Variants in STK3 observed in about 807,000 individuals in gnomAD.
STK3 encodes the protein serine/threonine kinase 3.
In STK3, 41 loss-of-function variants were observed where a neutral mutation model predicts 58.0. The ratio of observed to expected loss-of-function variants is 0.71; its 90% CI spans 0.55 to 0.92. The LOEUF is 0.92. STK3 is among the 40% of genes least tolerant of loss of function. The probability of loss-of-function intolerance (pLI) is 0.00; values close to 1 mark genes in which losing one functional copy is unlikely to be tolerated. For missense variants in STK3, 479 were observed against 602.7 expected, an observed-to-expected ratio of 0.79 and a Z score of 2.15; for synonymous variants, 170 against 191.0, an observed-to-expected ratio of 0.89 and a Z score of 0.91.
At chr8:98,788,315 G>A (rs1832597761) in intron 1 of STK3, among the ~76,000 whole-genome samples, 2 of 152,032 alleles carry the variant, frequency 1.3e-5, no homozygotes, top group African/African-American at 2.4e-5. Flanking sequence ...GTGCGCGCCT[G>A]TAATCCCAGC....
At chr8:98,344,381 ACT>A in the STK3 span, among the ~76,000 whole-genome samples, 6 of 152,138 alleles carry the variant, frequency 3.9e-5, no homozygotes, top group South Asian at 2.1e-4. Flanking sequence ...CTATAGCAAA[ACT>A]CTGAGAATCT....
chr8:98,814,933 C>T (rs893460843), intron 1 of STK3, among the ~76,000 whole-genome samples: 64 of 152,332 alleles, frequency 4.2e-4, no homozygotes, highest in African/African-American at 1.4e-3. Flanking sequence ...CTGCCTGCCT[C>T]GGCCTCCCAG....
intron 6 of STK3, among the ~76,000 whole-genome samples, chr8:98,627,095 T>C (rs891575996): frequency 6.6e-6 from 1 of 152,180 alleles, no homozygotes; most frequent in African/African-American, 2.4e-5. Context: ...AGAGTCATCA[T>C]AGGCCAGGCG....
chr8:98,498,811 C>T (rs1050491216), intron 10 of STK3, among the ~76,000 whole-genome samples: 2 of 152,170 alleles, frequency 1.3e-5, no homozygotes, highest in African/African-American at 2.4e-5. Context: ...GCTGATTCCT[C>T]GTCTTCTCCC....
At chr8:98,501,095 C>A (rs183515617) in intron 10 of STK3, among the ~76,000 whole-genome samples, 1 of 152,064 alleles carries the variant, frequency 6.6e-6, no homozygotes, top group Non-Finnish European at 1.5e-5. Context: ...TTTTAATGAT[C>A]GCCATTCTAA....
At chr8:98,671,700 G>C (rs183771444) in intron 6 of STK3, among the ~76,000 whole-genome samples, 2 of 152,122 alleles carry the variant, frequency 1.3e-5, no homozygotes, top group African/African-American at 4.8e-5. Flanking sequence ...TCCCACCTCA[G>C]CTTCCAGAGT....
At chr8:98,430,956 G>C (rs982160174) in intron 3 of STK3, 7 of 167,054 alleles carry the variant, frequency 4.2e-5, no homozygotes, top group Non-Finnish European at 1.0e-4. Context: ...GGGAACCTGG[G>C]TTCCTCTATA....
At chr8:98,768,833 A>G (rs2131454051) in intron 2 of STK3, among the ~76,000 whole-genome samples, 1 of 152,376 alleles carries the variant, frequency 6.6e-6, no homozygotes, top group South Asian at 2.1e-4. Context: ...CAGTTGTAGC[A>G]GATGGACTGA....
At chr8:98,831,386 G>A (rs981413864) in intron 3 of STK3, among the ~76,000 whole-genome samples, 4 of 152,072 alleles carry the variant, frequency 2.6e-5, no homozygotes, top group Non-Finnish European at 4.4e-5. Context: ...CCAAGTAGCC[G>A]GGACTATAGG....
At chr8:98,776,628 C>T (rs1431030223) in intron 1 of STK3, among the ~76,000 whole-genome samples, 8 of 152,032 alleles carry the variant, frequency 5.3e-5, no homozygotes, top group Non-Finnish European at 1.0e-4. Context: ...ATGCTATTGT[C>T]GATGACTGGA....
intron 9 of STK3, among the ~76,000 whole-genome samples, chr8:98,530,977 T>C (rs535528873): frequency 6.6e-6 from 1 of 152,358 alleles, no homozygotes; most frequent in African/African-American, 2.4e-5. Context: ...CTTCCAAGTC[T>C]AGTTCTTTCG....
At chr8:98,745,370 G>T (rs1182893434) in intron 4 of STK3, among the ~76,000 whole-genome samples, 1 of 152,056 alleles carries the variant, frequency 6.6e-6, no homozygotes, top group Non-Finnish European at 1.5e-5. Flanking sequence ...GCATATGTTT[G>T]CTCATAGCAG....
intron 7 of STK3, among the ~76,000 whole-genome samples, chr8:98,583,295 G>A (rs1034575595): frequency 2.0e-5 from 3 of 152,062 alleles, no homozygotes; most frequent in African/African-American, 4.8e-5. Context: ...TCATGGGAGC[G>A]AGGGCAGAGG....
At chr8:98,742,895 A>G (rs1829333163) in intron 4 of STK3, among the ~76,000 whole-genome samples, 1 of 152,048 alleles carries the variant, frequency 6.6e-6, no homozygotes. Context: ...CAGGATACAA[A>G]ATCAATGTAC....
intron 2 of STK3, among the ~76,000 whole-genome samples, chr8:98,435,312 GAGA>G (rs1344008460): frequency 3.3e-5 from 5 of 152,252 alleles, no homozygotes; most frequent in African/African-American, 1.2e-4. Context: ...CATAGGCAGA[GAGA>G]AGGAGGCTGA....
intron 1 of STK3, among the ~76,000 whole-genome samples, chr8:98,894,532 A>G (rs1838380109): frequency 6.6e-6 from 1 of 152,202 alleles, no homozygotes; most frequent in East Asian, 1.9e-4. Flanking sequence ...TTCCCCCTTA[A>G]AGTGCTCTGT....
intron 8 of STK3, among the ~76,000 whole-genome samples, chr8:98,578,806 T>C (rs1349877618): frequency 1.3e-5 from 2 of 152,082 alleles, no homozygotes; most frequent in Admixed American, 6.6e-5. Flanking sequence ...CAGAAAAAAA[T>C]ATATAACTTG....
At chr8:98,651,952 C>A (rs948235374) in intron 6 of STK3, among the ~76,000 whole-genome samples, 3 of 151,848 alleles carry the variant, frequency 2.0e-5, no homozygotes, top group Admixed American at 2.0e-4. Flanking sequence ...GCAAGGCAGG[C>A]CAACATTCAG....
chr8:98,659,925 G>A (rs1587203636), intron 6 of STK3, among the ~76,000 whole-genome samples: 1 of 151,612 alleles, frequency 6.6e-6, no homozygotes, highest in East Asian at 1.9e-4. Flanking sequence ...GAACAAACCA[G>A]GCAAATGGTT....
Sources: allele counts gnomAD v4.1 joint callset (sites outside exome capture counted in the v4.1 genomes callset), GRCh38; gene constraint gnomAD v4.1.1; transcripts MANE v1.5; gene names NCBI Gene and HGNC (gene_info 2026-07-23, HGNC 2026-07-21).